Variants in DPP10 observed in about 807,000 individuals in gnomAD.
DPP10 encodes the protein dipeptidyl peptidase like 10, also known as inactive dipeptidyl peptidase 10.
In DPP10, 33 loss-of-function variants were observed where a neutral mutation model predicts 120.9. That is an observed-to-expected ratio of 0.27 (90% CI 0.21 to 0.37). The LOEUF is 0.37. Among genes scored for constraint, DPP10 ranks in the 10% least tolerant of loss-of-function variants. DPP10 has a pLI of 1.00. For synonymous variants in DPP10, 337 were observed against 326.1 expected (o/e 1.03, Z -0.36); for missense variants, 816 against 942.8 (o/e 0.87, Z 1.76).
intron 1 of DPP10, among the ~76,000 whole-genome samples, chr2:114,994,187 T>C (rs1245224290): frequency 1.3e-5 from 2 of 152,182 alleles, no homozygotes; most frequent in Non-Finnish European, 2.9e-5. Context: ...GATTAGCATA[T>C]ATGTATAAAA....
intron 1 of DPP10, chr2:114,835,223 T>G (rs1047684155): frequency 2.0e-5 from 3 of 151,696 alleles, no homozygotes; most frequent in African/African-American, 4.8e-5. Flanking sequence ...ATAGGACATA[T>G]CTACACACCT....
chr2:115,232,220 C>T (rs984144367), intron 1 of DPP10, among the ~76,000 whole-genome samples: 1 of 152,034 alleles, frequency 6.6e-6, no homozygotes, highest in African/African-American at 2.4e-5. Context: ...TGAACTCCGG[C>T]CCTTTAAGAG....
At chr2:115,085,170 T>C (rs1252055855) in intron 1 of DPP10, among the ~76,000 whole-genome samples, 1 of 152,252 alleles carries the variant, frequency 6.6e-6, no homozygotes, top group Admixed American at 6.5e-5. Context: ...CTCTGTGATT[T>C]ATTATTTCAT....
At chr2:115,421,394 T>C (rs1297994286) in intron 3 of DPP10, among the ~76,000 whole-genome samples, 3 of 152,168 alleles carry the variant, frequency 2.0e-5, no homozygotes, top group Admixed American at 2.0e-4. Context: ...ATTCTAACCA[T>C]GTTCTTACTG....
intron 3 of DPP10, among the ~76,000 whole-genome samples, chr2:115,473,960 T>G (rs1217651418): frequency 6.6e-6 from 1 of 152,140 alleles, no homozygotes; most frequent in Non-Finnish European, 1.5e-5. Flanking sequence ...ACCATTGAAT[T>G]CCCATTGGGT....
chr2:114,773,902 T>G (rs1333352889), intron 1 of DPP10, among the ~76,000 whole-genome samples: 1 of 152,084 alleles, frequency 6.6e-6, no homozygotes, highest in African/African-American at 2.4e-5. Flanking sequence ...ATATACTTTT[T>G]GATATTTCAA....
intron 3 of DPP10, among the ~76,000 whole-genome samples, chr2:115,379,780 A>T (rs2066148152): frequency 6.6e-6 from 1 of 152,110 alleles, no homozygotes; most frequent in African/African-American, 2.4e-5. Flanking sequence ...TTCAAAGAAC[A>T]TCTTTATTTC....
intron 1 of DPP10, among the ~76,000 whole-genome samples, chr2:114,558,450 G>A (rs572536229): frequency 6.2e-4 from 94 of 152,176 alleles, no homozygotes; most frequent in Non-Finnish European, 8.5e-4. Context: ...GCACATTCTC[G>A]TCTTTCTGGC....
intron 1 of DPP10, among the ~76,000 whole-genome samples, chr2:114,875,603 T>G (rs945550771): frequency 3.3e-5 from 5 of 152,264 alleles, no homozygotes; most frequent in African/African-American, 1.2e-4. Context: ...TTCAGCTTAC[T>G]AGAACTTGAT....
intron 3 of DPP10, among the ~76,000 whole-genome samples, chr2:115,406,349 G>A (rs2104534227): frequency 6.6e-6 from 1 of 152,234 alleles, no homozygotes; most frequent in East Asian, 1.9e-4. Context: ...CAATCTCTAA[G>A]AAGTTTTAAA....
At chr2:114,930,953 C>T (rs1914973) in intron 1 of DPP10, among the ~76,000 whole-genome samples, 19,011 of 152,238 alleles carry the variant, frequency 0.12, 1,318 homozygotes, top group Non-Finnish European at 0.14. Context: ...GTCTCAAACA[C>T]TTGCCAAAAT....
intron 7 of DPP10, among the ~76,000 whole-genome samples, chr2:115,691,674 A>G (rs1188257360): frequency 7.2e-5 from 11 of 152,148 alleles, no homozygotes; most frequent in Admixed American, 5.9e-4. Context: ...AGCCTTTCAT[A>G]TGAATGTCAC....
intron 1 of DPP10, among the ~76,000 whole-genome samples, chr2:114,861,343 C>T (rs1689795708): frequency 6.6e-6 from 1 of 151,582 alleles, no homozygotes; most frequent in African/African-American, 2.4e-5. Context: ...CACCAAACCT[C>T]GAGTACCATG....
chr2:115,736,260 G>A (rs1420380897), intron 8 of DPP10, among the ~76,000 whole-genome samples: 3 of 152,114 alleles, frequency 2.0e-5, no homozygotes, highest in African/African-American at 4.8e-5. Flanking sequence ...GCCTAGATCT[G>A]TACCTCATGG....
At chr2:115,562,393 A>G (rs1182904586) in intron 5 of DPP10, among the ~76,000 whole-genome samples, 3 of 152,138 alleles carry the variant, frequency 2.0e-5, no homozygotes, top group East Asian at 1.9e-4. Context: ...AACTCAGATG[A>G]TCATTTAAAG....
chr2:115,644,583 C>CAGCGTAGA (rs2087071901), intron 5 of DPP10, among the ~76,000 whole-genome samples: 1 of 150,602 alleles, frequency 6.6e-6, no homozygotes, highest in Admixed American at 6.6e-5. Flanking sequence ...CCAGCCTGGG[C>CAGCGTAGA]AGCGTAGAGA....
Position 115,094,666 on chromosome 2 carries a change from A to G in DPP10, c.61-214573A>G, listed in dbSNP as rs569240648. On this transcript the variant is annotated intron_variant, in intron 1 of 25. Transcript: ENST00000410059. ...TTACCGAGGTCAGCAGAATTTCATT[A>G]ACTGAATTTAAATGTAGTAATTGAA... Among the ~76,000 whole-genome samples the G allele has an allele frequency of 6.6e-5, 10 of 152,298 alleles. No homozygotes were observed. The South Asian group carries it at 1.5e-3, about 22-fold the overall frequency.
At chr2:115,172,151 G>A (rs2053396523) in intron 1 of DPP10, among the ~76,000 whole-genome samples, 1 of 152,182 alleles carries the variant, frequency 6.6e-6, no homozygotes, top group African/African-American at 2.4e-5. Context: ...GGGAATGCAT[G>A]CAGGTAAATT....
At chr2:115,730,159 G>A (rs2092869615) in intron 8 of DPP10, among the ~76,000 whole-genome samples, 1 of 152,194 alleles carries the variant, frequency 6.6e-6, no homozygotes, top group Non-Finnish European at 1.5e-5. Flanking sequence ...GGGTCTAAGA[G>A]TGGAAAGAAA....
Sources: allele counts gnomAD v4.1 joint callset (sites outside exome capture counted in the v4.1 genomes callset), GRCh38; gene constraint gnomAD v4.1.1; transcripts MANE v1.5; gene names NCBI Gene and HGNC (gene_info 2026-07-23, HGNC 2026-07-21).